The following ZFHX3 variants were observed in gnomAD, a reference collection of about 807,000 sequenced individuals.
The protein encoded by ZFHX3 is zinc finger homeobox protein 3.
ZFHX3 carries 42 observed loss-of-function variants against 279.1 expected under a neutral mutation model. That is an observed-to-expected ratio of 0.15 (90% CI 0.12 to 0.19). The LOEUF is 0.19. ZFHX3 is among the 10% of genes least tolerant of loss of function. The probability of loss-of-function intolerance (pLI) is 1.00; values close to 1 mark genes in which losing one functional copy is unlikely to be tolerated. For missense variants in ZFHX3, 4,981 were observed against 4,754.0 expected, an observed-to-expected ratio of 1.05 and a Z score of -1.40; for synonymous variants, 2,293 against 1,957.8, an observed-to-expected ratio of 1.17 and a Z score of -4.52.
rs1186064379 is a variant in ZFHX3 at position 73,682,922 on chromosome 16, A to G, written c.-1607-2682T>C. The stretch of plus-strand genomic sequence containing the variant: ...AGAAAGAAAGAGAAAGAAAGAGAGA[A>G]AGAGAAAGAAAGAAAGAAAGAAAGA... On this transcript the variant is annotated intron_variant, in intron 1 of 17. Coordinates refer to the ZFHX3 transcript ENST00000641206. Among the ~76,000 whole-genome samples, 39 of 55,458 alleles carry G rather than the reference A, an allele frequency of 7.0e-4. 2 individuals carry two copies. Among genetic ancestry groups the G allele is most frequent in the Middle Eastern group, 7.6e-3 (1 of 132 alleles). 36.4% of individuals were successfully genotyped at this position (55,458 alleles called of 152,430 possible).
At chr16:73,870,207 T>A (rs1215457193) in intron 1 of ZFHX3, among the ~76,000 whole-genome samples, 3 of 152,188 alleles carry the variant, frequency 2.0e-5, no homozygotes, top group African/African-American at 7.2e-5. Flanking sequence ...AGGTTTGCTG[T>A]TTGCATTGTG....
At chr16:72,843,007 T>C (rs1474903737) in intron 4 of ZFHX3, among the ~76,000 whole-genome samples, 1 of 152,080 alleles carries the variant, frequency 6.6e-6, no homozygotes, top group African/African-American at 2.4e-5. Flanking sequence ...TTAGAAAATA[T>C]AAAAAGGATA....
chr16:73,085,064 A>T (rs1348361938), intron 8 of ZFHX3, among the ~76,000 whole-genome samples: 1 of 152,160 alleles, frequency 6.6e-6, no homozygotes, highest in East Asian at 1.9e-4. Flanking sequence ...AGAACCACAA[A>T]AGACCCCAAA....
chr16:72,957,309 C>CA, intron 2 of ZFHX3, 118 bp downstream of exon 2: 1 of 1,291,052 alleles, frequency 7.7e-7, no homozygotes. Flanking sequence ...CCAGTTTACA[C>CA]AAAAACCACT....
chr16:73,593,910 C>G (rs2052023660), intron 2 of ZFHX3, among the ~76,000 whole-genome samples: 1 of 152,196 alleles, frequency 6.6e-6, no homozygotes, highest in Non-Finnish European at 1.5e-5. Context: ...TTGTCTGACA[C>G]AACGTATTTG....
intron 1 of ZFHX3, among the ~76,000 whole-genome samples, chr16:72,997,707 A>C (rs964432138): frequency 9.2e-5 from 14 of 152,182 alleles, no homozygotes; most frequent in African/African-American, 2.9e-4. Flanking sequence ...TTCCTTCTTT[A>C]ACCATCTTTC....
rs184905887 is a variant in ZFHX3, at chr16:73,612,994, A to C, written c.-1547+67186T>G. 2.3e-3 allele frequency among the ~76,000 whole-genome samples: 347 copies of C among 152,338 alleles called. 5 individuals carry two copies. Among genetic ancestry groups the C allele is most frequent in the Admixed American group, 0.02 (304 of 15,302 alleles). On this transcript the variant is annotated intron_variant, in intron 2 of 17. Coordinates refer to the ZFHX3 transcript ENST00000641206. ...ACTTTATTATTCATTCTGAGAGAAAAAAATTAGAGGAGAAAATTCTCTAAG... is the reference window on the plus strand; with the variant it reads ...ACTTTATTATTCATTCTGAGAGAAACAAATTAGAGGAGAAAATTCTCTAAG...
At chr16:73,208,282 A>T (rs552097436) in intron 5 of ZFHX3, among the ~76,000 whole-genome samples, 103 of 152,360 alleles carry the variant, frequency 6.8e-4, no homozygotes, top group Non-Finnish European at 1.1e-3. Flanking sequence ...TAAGAAACTG[A>T]TGTTTGTGAC....
intron 1 of ZFHX3, among the ~76,000 whole-genome samples, chr16:73,728,020 C>CA (rs1555535438): frequency 1.1e-5 from 1 of 90,594 alleles, no homozygotes; most frequent in African/African-American, 3.8e-5. Flanking sequence ...ATTGTGCCCC[C>CA]CCCCCGCCCC....
intron 1 of ZFHX3, among the ~76,000 whole-genome samples, chr16:73,685,516 C>T (rs1458749191): frequency 1.4e-4 from 21 of 152,182 alleles, no homozygotes; most frequent in Non-Finnish European, 2.8e-4. Flanking sequence ...CACAGCCCTG[C>T]CAACCTCTTT....
intron 3 of ZFHX3, among the ~76,000 whole-genome samples, chr16:73,375,078 C>T (rs1398537517): frequency 2.1e-5 from 3 of 145,340 alleles, no homozygotes; most frequent in Non-Finnish European, 4.4e-5. Context: ...CCTCCTTCTC[C>T]TTCTCTTCTT....
At chr16:72,989,720 GCA>G (rs1037044955) in intron 1 of ZFHX3, among the ~76,000 whole-genome samples, 3 of 152,192 alleles carry the variant, frequency 2.0e-5, no homozygotes, top group African/African-American at 7.2e-5. Flanking sequence ...GCAAGATGCA[GCA>G]CACAGAGTTC....
intron 7 of ZFHX3, among the ~76,000 whole-genome samples, chr16:73,098,213 A>C (rs958491175): frequency 6.4e-4 from 97 of 151,954 alleles, no homozygotes; most frequent in African/African-American, 2.2e-3. Flanking sequence ...GACTACAAGC[A>C]TGGGCCACCA....
chr16:73,003,923 A>G (rs1460493590), intron 1 of ZFHX3, among the ~76,000 whole-genome samples: 2 of 150,232 alleles, frequency 1.3e-5, no homozygotes, highest in Admixed American at 6.7e-5. Flanking sequence ...TTTATACCCA[A>G]TAACCAGATC....
intron 4 of ZFHX3, among the ~76,000 whole-genome samples, chr16:72,860,313 G>A (rs986753802): frequency 6.6e-6 from 1 of 152,106 alleles, no homozygotes; most frequent in Non-Finnish European, 1.5e-5. Context: ...CCCCCAGGAA[G>A]CTCCAAATCC....
At chr16:72,955,214 C>G (rs1258212825) in intron 2 of ZFHX3, among the ~76,000 whole-genome samples, 1 of 152,112 alleles carries the variant, frequency 6.6e-6, no homozygotes, top group Non-Finnish European at 1.5e-5. Context: ...TCCCCGTGGC[C>G]GACAAGTAGT....
intron 1 of ZFHX3, among the ~76,000 whole-genome samples, chr16:73,004,952 T>C (rs756056121): frequency 2.0e-4 from 31 of 152,222 alleles, no homozygotes; most frequent in Admixed American, 3.9e-4. Flanking sequence ...TAACCTAATT[T>C]TTCCGCCATT....
chr16:72,903,794 G>C (rs2039099672), intron 3 of ZFHX3, among the ~76,000 whole-genome samples: 1 of 152,122 alleles, frequency 6.6e-6, no homozygotes, highest in Non-Finnish European at 1.5e-5. Context: ...AAGCTCTAAG[G>C]GATCAGCAGA....
chr16:73,139,620 C>T (rs1328435386), intron 6 of ZFHX3, among the ~76,000 whole-genome samples: 2 of 152,218 alleles, frequency 1.3e-5, no homozygotes, highest in African/African-American at 4.8e-5. Flanking sequence ...GGCATTGAAT[C>T]CTGGGAAAGA....
Sources: allele counts gnomAD v4.1 joint callset (sites outside exome capture counted in the v4.1 genomes callset), GRCh38; gene constraint gnomAD v4.1.1; transcripts MANE v1.5; gene names NCBI Gene and HGNC (gene_info 2026-07-23, HGNC 2026-07-21).